Variants in TRIP12 observed in about 807,000 individuals in gnomAD.
TRIP12 encodes thyroid hormone receptor interactor 12.
A neutral mutation model predicts 244.2 loss-of-function variants in TRIP12; 25 were observed. The observed-to-expected ratio is 0.10, with a 90% CI of 0.07 to 0.14. TRIP12 has a LOEUF of 0.14. Ranked by LOEUF, TRIP12 falls within the 10% of genes least tolerant of loss-of-function variation. The pLI, the probability that TRIP12 is intolerant of heterozygous loss-of-function variation, is 1.00. For missense variants in TRIP12, 1,677 were observed against 2,486.4 expected (o/e 0.67, Z 6.92); for synonymous variants, 905 against 873.1 (o/e 1.04, Z -0.64).
At chr2:229,795,449 C>T (rs983760757) in intron 25 of TRIP12, 119 bp from the exon 26 acceptor site, 1 of 1,207,974 alleles carries the variant, frequency 8.3e-7, no homozygotes, top group Non-Finnish European at 1.1e-6. Flanking sequence ...TCATCTTTAT[C>T]TTTTATGGCA....
chr2:229,801,158 T>C (rs192241656), intron 21 of TRIP12, among the ~76,000 whole-genome samples: 153 of 152,248 alleles, frequency 1.0e-3, no homozygotes, highest in Non-Finnish European at 1.6e-4. Flanking sequence ...CAAAAGCAAC[T>C]GCAGAATCAG....
intron 34 of TRIP12, among the ~76,000 whole-genome samples, chr2:229,780,879 C>T (rs900824742): frequency 1.3e-5 from 2 of 152,110 alleles, no homozygotes; most frequent in Non-Finnish European, 2.9e-5. Context: ...CTGTTCTGCA[C>T]TGAATCCCAA....
rs1296094049 is a variant in TRIP12, at chr2:229,798,150, A to G, written c.3483-319T>C. ...CTTCCTAAAGTACATACATATCTGC[A>G]TTATCCTTAACTTGTGTTTCCTGGA... On this transcript the variant is annotated intron_variant, in intron 23 of 41. Transcript: ENST00000675903. 3.3e-5 allele frequency among the ~76,000 whole-genome samples: 5 copies of G among 152,344 alleles called. No homozygotes were observed. In the South Asian group the frequency reaches 8.3e-4, roughly 25 times the overall value.
chr2:229,792,504 T>C (rs1236560447), intron 27 of TRIP12, among the ~76,000 whole-genome samples: 3 of 152,306 alleles, frequency 2.0e-5, no homozygotes, highest in Admixed American at 2.0e-4. Flanking sequence ...TGATATACAG[T>C]ATTTTCAATA....
intron 2 of TRIP12, among the ~76,000 whole-genome samples, chr2:229,868,643 C>A (rs1576367720): frequency 6.6e-6 from 1 of 151,892 alleles, no homozygotes; most frequent in Non-Finnish European, 1.5e-5. Context: ...TCTGACTGAA[C>A]AAATGAGAGG....
At chr2:229,835,758 T>C (rs1291674650) in intron 6 of TRIP12, among the ~76,000 whole-genome samples, 1 of 152,210 alleles carries the variant, frequency 6.6e-6, no homozygotes, top group Non-Finnish European at 1.5e-5. Context: ...CATTTGGGAA[T>C]TGCCCCATTT....
At chr2:229,825,578 T>C (rs1235492892) in intron 8 of TRIP12, among the ~76,000 whole-genome samples, 1 of 152,128 alleles carries the variant, frequency 6.6e-6, no homozygotes, top group East Asian at 1.9e-4. Flanking sequence ...GAAAAAAGAA[T>C]GAGTGCCAAC....
At chr2:229,820,266 A>C (rs1217111616) in intron 8 of TRIP12, among the ~76,000 whole-genome samples, 1 of 152,140 alleles carries the variant, frequency 6.6e-6, no homozygotes, top group African/African-American at 2.4e-5. Flanking sequence ...GGGGTTGGCA[A>C]CTCTTAAGGA....
chr2:229,804,175 C>T lies in TRIP12; in HGVS notation c.2703G>A (p.Glu901=), dbSNP rs768779711. The change falls in exon 19 of 42, where the codon GAG becomes GAA. Residue 901 remains glutamate (E), a synonymous_variant. Coordinates refer to ENST00000675903, the MANE Select transcript of TRIP12 (RefSeq NM_001348323.3). The part of the protein sequence containing the change: ...KDDARAQLMK[E]DPELAKSFIK... ...TAAAAGACTTAGCCAGTTCCGGATCCTCTTTCATAAGCTGTGCTCGAGCAT... is the reference window on the plus strand; with the variant it reads ...TAAAAGACTTAGCCAGTTCCGGATCTTCTTTCATAAGCTGTGCTCGAGCAT... The T allele has an allele frequency of 6.2e-7, 1 of 1,614,086 alleles. No homozygotes were observed. Among genetic ancestry groups the T allele is most frequent in the Non-Finnish European group, 8.5e-7 (1 of 1,179,986 alleles).
Position 229,815,239 on chromosome 2 carries a change from T to C in TRIP12, c.1635+34A>G, listed in dbSNP as rs374005680. 7 of 1,550,216 alleles carry C rather than the reference T, an allele frequency of 4.5e-6. No individual in the cohort carries two copies. The African/African-American group carries it at 5.5e-5, about 12-fold the overall frequency. ...AATGAGTAAAAACTCAAAACTTAAA[T>C]ATACACCATTAAAAAAATACAATAT... On this transcript the variant is annotated intron_variant, in intron 10 of 41. Coordinates refer to ENST00000675903, the MANE Select transcript of TRIP12 (RefSeq NM_001348323.3).
chr2:229,776,792 T>C (rs971484739), intron 37 of TRIP12, among the ~76,000 whole-genome samples: 2 of 152,222 alleles, frequency 1.3e-5, no homozygotes, highest in Non-Finnish European at 2.9e-5. Context: ...TTGTTAATTA[T>C]ATACATTAAA....
intron 26 of TRIP12, chr2:229,793,348 T>C (rs1434756709): frequency 6.8e-6 from 3 of 439,814 alleles, no homozygotes; most frequent in Admixed American, 3.6e-5. Flanking sequence ...AAAAGACGGA[T>C]GTGTATGCAT....
At chr2:229,799,930 A>G (rs1311448401) in intron 21 of TRIP12, among the ~76,000 whole-genome samples, 1 of 152,248 alleles carries the variant, frequency 6.6e-6, no homozygotes, top group African/African-American at 2.4e-5. Context: ...TGAAACATAA[A>G]GCCAGATAAG....
At chr2:229,854,987 G>A (rs1253635614) in intron 4 of TRIP12, among the ~76,000 whole-genome samples, 1 of 152,234 alleles carries the variant, frequency 6.6e-6, no homozygotes. Context: ...ACAAAGGCTA[G>A]GCACAGTAGC....
Position 229,807,698 on chromosome 2 carries a change from A to C in TRIP12, c.2496+10T>G, listed in dbSNP as rs767703948. 1 of 1,614,146 alleles carries C rather than the reference A, an allele frequency of 6.2e-7. No individual in the cohort carries two copies. The highest frequency in any genetic ancestry group is 1.7e-5 in the Admixed American group (1 of 60,016). ...ATAGACACATTTAAACGGTACGATGAAACTACTACCTCAATGATCCGGCTG... is the reference window on the plus strand; with the variant it reads ...ATAGACACATTTAAACGGTACGATGCAACTACTACCTCAATGATCCGGCTG... On this transcript the variant is annotated intron_variant, in intron 17 of 41. Transcript: ENST00000675903.
intron 2 of TRIP12, among the ~76,000 whole-genome samples, chr2:229,861,142 A>G (rs1013836542): frequency 7.9e-5 from 12 of 152,256 alleles, no homozygotes; most frequent in African/African-American, 2.9e-4. Flanking sequence ...GTCAACAGAA[A>G]GAACACAAAA....
At chr2:229,806,163 T>A in intron 17 of TRIP12, 1 of 256,602 alleles carries the variant, frequency 3.9e-6, no homozygotes, top group East Asian at 7.0e-5. Context: ...CTGTGTAGCA[T>A]CACTGACACA....
intron 36 of TRIP12, among the ~76,000 whole-genome samples, chr2:229,777,998 C>T (rs187347340): frequency 1.3e-5 from 2 of 152,304 alleles, no homozygotes; most frequent in East Asian, 3.9e-4. Context: ...ACATTCCAAC[C>T]TCTATGAATA....
intron 23 of TRIP12, 105 bp from the exon 24 acceptor site, chr2:229,797,936 T>C (rs1265564803): frequency 1.7e-6 from 2 of 1,198,128 alleles, no homozygotes; most frequent in Non-Finnish European, 2.3e-6. Flanking sequence ...TCCTGGTCTA[T>C]GCTTACAGTT....
Sources: allele counts gnomAD v4.1 joint callset (sites outside exome capture counted in the v4.1 genomes callset), GRCh38; gene constraint gnomAD v4.1.1; transcripts MANE v1.5; gene names NCBI Gene and HGNC (gene_info 2026-07-23, HGNC 2026-07-21).